TMEM163: variants seen among roughly 807,000 people sequenced by gnomAD.
TMEM163 encodes the protein transmembrane protein 163.
In TMEM163, 17 loss-of-function variants were observed where a neutral mutation model predicts 29.3. The observed-to-expected ratio is 0.58, with a 90% CI of 0.40 to 0.87. TMEM163 has a LOEUF of 0.87. Among genes scored for constraint, TMEM163 ranks in the 40% least tolerant of loss-of-function variants. The probability of loss-of-function intolerance (pLI) is 0.00; values close to 1 mark genes in which losing one functional copy is unlikely to be tolerated. For missense variants in TMEM163, 303 were observed against 381.5 expected (o/e 0.79, Z 1.71); for synonymous variants, 157 against 160.6 (o/e 0.98, Z 0.17).
At chr2:134,597,666 T>C (rs892584637) in intron 2 of TMEM163, among the ~76,000 whole-genome samples, 14 of 148,844 alleles carry the variant, frequency 9.4e-5, no homozygotes, top group African/African-American at 3.3e-4. Flanking sequence ...TTTCTATTGA[T>C]TGGAATAGTT....
Position 134,656,953 on chromosome 2 carries a change from C to T in TMEM163, c.322+56247G>A, listed in dbSNP as rs114490728. 6.0e-3 allele frequency among the ~76,000 whole-genome samples: 913 copies of T among 152,268 alleles called. 10 individuals carry two copies. Among genetic ancestry groups the T allele is most frequent in the African/African-American group, 0.021 (858 of 41,548 alleles). On this transcript the variant is annotated intron_variant, in intron 2 of 7. Transcript: ENST00000281924. ...ATCCCAGGAATGAAGCCTACTTGAT[C>T]ATGGTGAATTAACTTCTTGATGTGC...
chr2:134,618,141 C>A (rs902018123), intron 2 of TMEM163, among the ~76,000 whole-genome samples: 5 of 151,914 alleles, frequency 3.3e-5, no homozygotes, highest in African/African-American at 1.2e-4. Context: ...AAAAGGCAAG[C>A]TCCAACTAGA....
At position 134,565,624 on chromosome 2, in the gene TMEM163, C is replaced by A. The variant is rs200628684; in HGVS notation, c.323-13533G>T. On this transcript the variant is annotated intron_variant, in intron 2 of 7. Coordinates refer to ENST00000281924, the MANE Select transcript of TMEM163 (RefSeq NM_030923.5). ...CTCTGTCTCCAGAAAAAAAAAAAAA[C>A]CATACATACATATGGATACTTGAAG... 2.6e-3 allele frequency among the ~76,000 whole-genome samples: 382 copies of A among 148,470 alleles called. 4 individuals are homozygous for A. The East Asian group carries it at 0.027, about 10-fold the overall frequency.
intron 2 of TMEM163, among the ~76,000 whole-genome samples, chr2:134,615,626 A>T (rs1469223616): frequency 6.6e-6 from 1 of 150,470 alleles, no homozygotes; most frequent in Non-Finnish European, 1.5e-5. Flanking sequence ...GATCTGTGCC[A>T]GATCAGCTGC....
chr2:134,498,354 CTTTTTT>C (rs765734718), intron 5 of TMEM163, among the ~76,000 whole-genome samples: 2 of 115,466 alleles, frequency 1.7e-5, no homozygotes, highest in African/African-American at 3.3e-5. Context: ...TGCATGTGGG[CTTTTTT>C]TTTTTTTTTT....
intron 2 of TMEM163, among the ~76,000 whole-genome samples, chr2:134,557,906 C>A (rs944798315): frequency 2.0e-5 from 3 of 152,162 alleles, no homozygotes; most frequent in Non-Finnish European, 2.9e-5. Context: ...CCCAGCTTGA[C>A]TTTTCCCTTT....
chr2:134,664,441 G>C (rs1683827665), intron 2 of TMEM163, among the ~76,000 whole-genome samples: 1 of 152,226 alleles, frequency 6.6e-6, no homozygotes, highest in African/African-American at 2.4e-5. Flanking sequence ...ATGAAAGCCT[G>C]AATAATGGCC....
intron 5 of TMEM163, among the ~76,000 whole-genome samples, chr2:134,471,242 T>C (rs1012006142): frequency 6.6e-6 from 1 of 152,200 alleles, no homozygotes. Context: ...AAAATTCATA[T>C]GTTGAAGCCC....
chr2:134,694,718 CAA>C lies in TMEM163; in HGVS notation c.322+18480_322+18481del, dbSNP rs1467499564. Among the ~76,000 whole-genome samples, 3 of 152,154 alleles carry C rather than the reference CAA, an allele frequency of 2.0e-5. No individual in the cohort carries two copies. The East Asian group carries it at 5.8e-4, about 29-fold the overall frequency. On this transcript the variant is annotated intron_variant, in intron 2 of 7. Coordinates refer to ENST00000281924, the MANE Select transcript of TMEM163 (RefSeq NM_030923.5). ...CTGAAGAATAACCTGGGATTAGATC[CAA>C]ACTCTCACAAAATGACTATATACAC...
chr2:134,552,223 T>A (rs150179897), intron 2 of TMEM163, 132 bp from the exon 3 acceptor site: 20 of 626,184 alleles, frequency 3.2e-5, no homozygotes, highest in African/African-American at 2.9e-4. Context: ...TTAACTGTAC[T>A]TGTAAAATCT....
intron 5 of TMEM163, among the ~76,000 whole-genome samples, chr2:134,490,948 T>C (rs1679415675): frequency 6.6e-6 from 1 of 152,222 alleles, no homozygotes; most frequent in Non-Finnish European, 1.5e-5. Context: ...AGGATCATGT[T>C]GTTCATATTA....
chr2:134,456,837 G>A, intron 7 of TMEM163, 61 bp from the exon 8 acceptor site: 1 of 1,545,164 alleles, frequency 6.5e-7, no homozygotes, highest in Non-Finnish European at 8.8e-7. Flanking sequence ...GCTTGGGGAA[G>A]CGTATTTTCA....
intron 5 of TMEM163, among the ~76,000 whole-genome samples, chr2:134,477,013 C>A (rs1686932275): frequency 6.6e-6 from 1 of 152,198 alleles, no homozygotes; most frequent in Non-Finnish European, 1.5e-5. Context: ...TGAGTAGGAA[C>A]CCTCTTCCCA....
intron 2 of TMEM163, among the ~76,000 whole-genome samples, chr2:134,579,428 A>T (rs56049411): frequency 0.1 from 15,208 of 152,242 alleles, 840 homozygotes; most frequent in Middle Eastern, 0.16. Flanking sequence ...ATGATTTTTT[A>T]AAAACAAATA....
At chr2:134,704,002 A>G (rs1162878620) in intron 2 of TMEM163, among the ~76,000 whole-genome samples, 2 of 152,096 alleles carry the variant, frequency 1.3e-5, no homozygotes, top group African/African-American at 4.8e-5. Flanking sequence ...CTAGAATTTC[A>G]GGTCTAATCA....
At chr2:134,681,412 G>T (rs1041848152) in intron 2 of TMEM163, among the ~76,000 whole-genome samples, 9 of 152,176 alleles carry the variant, frequency 5.9e-5, no homozygotes, top group Admixed American at 5.2e-4. Flanking sequence ...TCCCGGTCAA[G>T]CTCAGCCAAC....
intron 2 of TMEM163, among the ~76,000 whole-genome samples, chr2:134,624,186 T>G (rs1682797729): frequency 6.6e-6 from 1 of 152,216 alleles, no homozygotes; most frequent in Non-Finnish European, 1.5e-5. Flanking sequence ...GAAATAAATA[T>G]CTGTGTTCTG....
intron 2 of TMEM163, among the ~76,000 whole-genome samples, chr2:134,660,762 T>C (rs1170020550): frequency 6.6e-6 from 1 of 152,124 alleles, no homozygotes; most frequent in Non-Finnish European, 1.5e-5. Flanking sequence ...AGCTGCACAG[T>C]CTAAGTGTGC....
intron 2 of TMEM163, among the ~76,000 whole-genome samples, chr2:134,706,108 G>A (rs960606213): frequency 1.3e-5 from 2 of 152,234 alleles, no homozygotes; most frequent in Admixed American, 1.3e-4. Context: ...CCCACTGTGA[G>A]CGGAGACTCA....
Sources: allele counts gnomAD v4.1 joint callset (sites outside exome capture counted in the v4.1 genomes callset), GRCh38; gene constraint gnomAD v4.1.1; transcripts MANE v1.5; gene names NCBI Gene and HGNC (gene_info 2026-07-23, HGNC 2026-07-21).